THSD7B: variants seen among roughly 807,000 people sequenced by gnomAD.
THSD7B encodes thrombospondin type 1 domain containing 7B.
A neutral mutation model predicts 213.6 loss-of-function variants in THSD7B; 138 were observed. The ratio of observed to expected loss-of-function variants is 0.65; its 90% CI spans 0.56 to 0.74. THSD7B has a LOEUF of 0.74. THSD7B is among the 30% of genes least tolerant of loss of function. The pLI is 0.00. For synonymous variants in THSD7B, 742 were observed against 687.0 expected (o/e 1.08, Z -1.25); for missense variants, 1,931 against 1,991.5 (o/e 0.97, Z 0.58).
intron 10 of THSD7B, among the ~76,000 whole-genome samples, chr2:137,243,442 C>T (rs187595324): frequency 5.1e-4 from 77 of 152,332 alleles, no homozygotes; most frequent in Non-Finnish European, 7.3e-4. Context: ...CAGTGAGTCT[C>T]ATCCACTGGT....
intron 5 of THSD7B, among the ~76,000 whole-genome samples, chr2:137,159,124 A>G (rs760708925): frequency 1.3e-5 from 2 of 152,010 alleles, no homozygotes; most frequent in African/African-American, 2.4e-5. Flanking sequence ...GTGTATTCTC[A>G]TGGTGCCTAG....
At chr2:137,290,174 C>A (rs1453995365) in intron 12 of THSD7B, among the ~76,000 whole-genome samples, 1 of 146,490 alleles carries the variant, frequency 6.8e-6, no homozygotes, top group African/African-American at 2.5e-5. Flanking sequence ...AGCCTGGAAT[C>A]TACACCTGGG....
At chr2:137,668,990 G>A (rs144845560) in intron 27 of THSD7B, among the ~76,000 whole-genome samples, 278 of 152,218 alleles carry the variant, frequency 1.8e-3, no homozygotes, top group Middle Eastern at 3.4e-3. Flanking sequence ...GTTCAAACCT[G>A]TGTTGTTCAA....
intron 12 of THSD7B, among the ~76,000 whole-genome samples, chr2:137,307,214 G>GATGAGA (rs1683771327): frequency 6.6e-6 from 1 of 152,086 alleles, no homozygotes; most frequent in Admixed American, 6.6e-5. Flanking sequence ...AGGTCTATTA[G>GATGAGA]ATGAGAAGTT....
At chr2:136,857,159 G>A (rs896510225) in intron 1 of THSD7B, among the ~76,000 whole-genome samples, 1 of 152,084 alleles carries the variant, frequency 6.6e-6, no homozygotes, top group Non-Finnish European at 1.5e-5. Context: ...AACTTAAATT[G>A]GCTATATTGA....
intron 12 of THSD7B, among the ~76,000 whole-genome samples, chr2:137,329,272 T>A (rs893876538): frequency 4.6e-5 from 7 of 152,196 alleles, no homozygotes; most frequent in African/African-American, 1.7e-4. Flanking sequence ...TCACTCTTGT[T>A]ATGTAAAGAG....
chr2:137,349,295 G>T (rs554239145), intron 12 of THSD7B, among the ~76,000 whole-genome samples: 1 of 151,680 alleles, frequency 6.6e-6, no homozygotes, highest in Admixed American at 6.6e-5. Context: ...TTATCCATTT[G>T]TCATTTCTTT....
intron 12 of THSD7B, among the ~76,000 whole-genome samples, chr2:137,350,801 A>T (rs1348460364): frequency 4.0e-5 from 6 of 151,812 alleles, no homozygotes; most frequent in Non-Finnish European, 7.4e-5. Flanking sequence ...GATGTTGGAA[A>T]AGTAGAATGC....
rs71301798 is a variant in THSD7B at position 136,895,514 on chromosome 2, CTTT to C, written c.139+13221_139+13223del. 8.1e-3 allele frequency among the ~76,000 whole-genome samples: 601 copies of C among 73,882 alleles called. 6 individuals are homozygous for C. The highest frequency in any genetic ancestry group is 0.028 in the African/African-American group (564 of 20,280). 48.5% of individuals were successfully genotyped at this position (73,882 alleles called of 152,430 possible). ...ACCAATGTTTTATGCCAAGTGGAGA[CTTT>C]TTTTTTTTTTTTTTTTTTTTTTTAC... is the stretch of plus-strand genomic sequence containing the variant. On this transcript the variant is annotated intron_variant, in intron 2 of 27. Transcript: ENST00000409968.
chr2:137,401,617 G>A (rs114264501), intron 12 of THSD7B, among the ~76,000 whole-genome samples: 5,106 of 149,676 alleles, frequency 0.034, 125 homozygotes, highest in Non-Finnish European at 0.048. Flanking sequence ...TGTAGCTGCT[G>A]AGTTTTTTCT....
chr2:137,040,889 G>C (rs1022246850), intron 2 of THSD7B, among the ~76,000 whole-genome samples: 3 of 152,108 alleles, frequency 2.0e-5, no homozygotes, highest in Admixed American at 2.0e-4. Flanking sequence ...AGTGGTATAA[G>C]CTTTGATAAT....
chr2:136,796,281 C>G (rs1242139733), intron 1 of THSD7B, among the ~76,000 whole-genome samples: 1 of 151,982 alleles, frequency 6.6e-6, no homozygotes, highest in Admixed American at 6.6e-5. Context: ...AGGCTGATTG[C>G]CAGGGACACT....
At chr2:137,085,532 A>G (rs1356919233) in intron 3 of THSD7B, among the ~76,000 whole-genome samples, 2 of 152,160 alleles carry the variant, frequency 1.3e-5, no homozygotes, top group Non-Finnish European at 2.9e-5. Flanking sequence ...TAATTGCAAA[A>G]TAAGTTAAAA....
intron 2 of THSD7B, among the ~76,000 whole-genome samples, chr2:136,893,771 T>A (rs1683904806): frequency 6.6e-6 from 1 of 152,176 alleles, no homozygotes; most frequent in Non-Finnish European, 1.5e-5. Context: ...TAGCCACAGA[T>A]GACATATATG....
chr2:136,936,686 G>T (rs1684736554), intron 2 of THSD7B, among the ~76,000 whole-genome samples: 4 of 152,056 alleles, frequency 2.6e-5, no homozygotes, highest in African/African-American at 9.7e-5. Flanking sequence ...GTGGGAAGAG[G>T]GTGAGGGATA....
At chr2:137,590,963 T>C (rs1681854056) in intron 17 of THSD7B, among the ~76,000 whole-genome samples, 1 of 151,888 alleles carries the variant, frequency 6.6e-6, no homozygotes, top group South Asian at 2.1e-4. Context: ...AGTAATTTCT[T>C]GAGCTAATTG....
At position 137,068,759 on chromosome 2, in the gene THSD7B, G is replaced by A. The variant is rs76411428; in HGVS notation, c.950+11529G>A. Reference sequence around the variant, plus strand: ...CCTAACTTCGGATCTGTTTCCTTTTGGTAGTATCTGTGACACTGTAGGGAC... The same window carrying A: ...CCTAACTTCGGATCTGTTTCCTTTTAGTAGTATCTGTGACACTGTAGGGAC... On this transcript the variant is annotated intron_variant, in intron 3 of 27. Coordinates refer to ENST00000409968, the MANE Select transcript of THSD7B (RefSeq NM_001316349.2). Among the ~76,000 whole-genome samples, 522 of 151,992 alleles carry A rather than the reference G, an allele frequency of 3.4e-3. 7 individuals carry two copies. In the East Asian group the frequency reaches 0.043, roughly 12 times the overall value.
chr2:137,450,771 A>G, intron 14 of THSD7B, 74 bp from the exon 15 acceptor site: 1 of 1,187,150 alleles, frequency 8.4e-7, no homozygotes, highest in East Asian at 2.6e-5. Flanking sequence ...CCAAACTGTG[A>G]TCATGGAAAT....
rs186505357 is a variant in THSD7B, at chr2:137,346,249, T to C, written c.2501-59364T>C. Among the ~76,000 whole-genome samples, 6 of 151,834 alleles carry C rather than the reference T, an allele frequency of 4.0e-5. No homozygotes were observed. The East Asian group carries it at 9.7e-4, about 25-fold the overall frequency. On this transcript the variant is annotated intron_variant, in intron 12 of 27. Coordinates refer to ENST00000409968, the MANE Select transcript of THSD7B (RefSeq NM_001316349.2). ...AGCCACTGAAACGTTATACTCCTTT[T>C]CCCTCTTCCCTAGTCCATCATTTTA...
Sources: gnomAD v4.1 joint callset for allele counts (sites outside exome capture counted in the v4.1 genomes callset) on GRCh38, gnomAD v4.1.1 for gene constraint, MANE v1.5 for transcripts, NCBI Gene and HGNC (gene_info 2026-07-23, HGNC 2026-07-21) for gene names.